The following DGKI variants were observed in gnomAD, a reference collection of about 807,000 sequenced individuals.
DGKI encodes diacylglycerol kinase iota.
Under a neutral mutation model 147.5 loss-of-function variants are expected in DGKI, and 55 were observed. The ratio of observed to expected loss-of-function variants is 0.37; its 90% CI spans 0.30 to 0.47. The LOEUF (loss-of-function observed/expected upper bound fraction) is 0.47. DGKI is among the 20% of genes least tolerant of loss of function. The probability of loss-of-function intolerance (pLI) is 1.00; values close to 1 mark genes in which losing one functional copy is unlikely to be tolerated. For synonymous variants in DGKI, 469 were observed against 477.1 expected, an observed-to-expected ratio of 0.98 and a Z score of 0.22; for missense variants, 1,007 against 1,323.8, an observed-to-expected ratio of 0.76 and a Z score of 3.71.
intron 1 of DGKI, among the ~76,000 whole-genome samples, chr7:137,767,466 A>AGAAGG (rs899651330): frequency 3.7e-5 from 5 of 135,538 alleles, no homozygotes; most frequent in African/African-American, 8.6e-5. Flanking sequence ...AAAAGAGAAG[A>AGAAGG]GAAGGGAAGA....
chr7:137,597,737 C>T (rs1819846065), intron 12 of DGKI, 110 bp downstream of exon 12: 2 of 960,566 alleles, frequency 2.1e-6, no homozygotes, highest in South Asian at 1.4e-5. Flanking sequence ...GAGAGATATA[C>T]ATGTGTTAGG....
At chr7:137,550,248 T>C (rs1184757) in intron 20 of DGKI, among the ~76,000 whole-genome samples, 151,107 of 151,314 alleles carry the variant, frequency 1, 75,450 homozygotes, top group Middle Eastern at 1. Context: ...TCCATGAAAC[T>C]TCTGCCTTGT....
At chr7:137,533,298 G>T (rs1254151389) in intron 20 of DGKI, among the ~76,000 whole-genome samples, 4 of 151,770 alleles carry the variant, frequency 2.6e-5, no homozygotes, top group African/African-American at 7.3e-5. Flanking sequence ...AGAAAAAAAT[G>T]AAAGTAAATA....
chr7:137,395,658 G>A lies in DGKI; in HGVS notation c.2997C>T (p.Asn999=), dbSNP rs780493326. ...CCACCAGAAGCTGGCACACAGCCCG[G>A]TTCCGCTGGCAGGCAGCCTTGTGCA... ...TALHKAACQR[N]RAVCQLLVDA... is the part of the protein sequence containing the mutation. The change falls in exon 32 of 33, where the codon AAC becomes AAT. Residue 999 remains asparagine, a synonymous_variant. Transcript: ENST00000614521. 3 of 1,614,174 alleles carry A rather than the reference G, an allele frequency of 1.9e-6. No homozygotes were observed. The South Asian group carries it at 3.3e-5, about 18-fold the overall frequency.
intron 1 of DGKI, among the ~76,000 whole-genome samples, chr7:137,818,999 T>C (rs549531484): frequency 6.6e-6 from 1 of 152,196 alleles, no homozygotes; most frequent in South Asian, 2.1e-4. Context: ...CCCTCCCAAC[T>C]GCACAGAAGT....
intron 21 of DGKI, among the ~76,000 whole-genome samples, chr7:137,491,943 A>G (rs150547189): frequency 2.0e-5 from 3 of 152,332 alleles, no homozygotes; most frequent in African/African-American, 7.2e-5. Context: ...CAGTCTAGAA[A>G]AGGGTAGAGA....
chr7:137,645,063 G>A (rs918349877), intron 6 of DGKI, among the ~76,000 whole-genome samples: 4 of 152,170 alleles, frequency 2.6e-5, no homozygotes, highest in African/African-American at 9.7e-5. Flanking sequence ...TCTAGCTTCT[G>A]ACCATGTTGT....
At chr7:137,805,603 C>T (rs1290430025) in intron 1 of DGKI, among the ~76,000 whole-genome samples, 1 of 152,202 alleles carries the variant, frequency 6.6e-6, no homozygotes, top group African/African-American at 2.4e-5. Context: ...AGTGCATAAG[C>T]ATGCAACCAG....
At chr7:137,616,387 G>C (rs1368723754) in intron 8 of DGKI, among the ~76,000 whole-genome samples, 1 of 152,120 alleles carries the variant, frequency 6.6e-6, no homozygotes, top group Non-Finnish European at 1.5e-5. Context: ...CTGAATCATA[G>C]ACGGTAATAA....
chr7:137,393,205 T>C (rs937117459), intron 32 of DGKI, among the ~76,000 whole-genome samples: 1 of 138,154 alleles, frequency 7.2e-6, no homozygotes, highest in African/African-American at 2.5e-5. Flanking sequence ...GGTTTATAAT[T>C]ATAAAAACAA....
intron 1 of DGKI, among the ~76,000 whole-genome samples, chr7:137,794,606 T>G (rs1476801920): frequency 6.6e-6 from 1 of 152,178 alleles, no homozygotes; most frequent in Non-Finnish European, 1.5e-5. Flanking sequence ...TCTGACAAGT[T>G]CTCAGGTGAT....
intron 6 of DGKI, among the ~76,000 whole-genome samples, chr7:137,638,640 A>ATG (rs1426702314): frequency 2.5e-5 from 1 of 40,292 alleles, no homozygotes; most frequent in East Asian, 1.1e-3. Flanking sequence ...GTGTGTATAT[A>ATG]TGTGTATGTA....
intron 2 of DGKI, among the ~76,000 whole-genome samples, chr7:137,682,053 G>A (rs1563148188): frequency 6.6e-6 from 1 of 152,186 alleles, no homozygotes; most frequent in South Asian, 2.1e-4. Context: ...ATGATTCTAC[G>A]TGGAAAGGAC....
At chr7:137,487,856 T>C (rs908276745) in intron 21 of DGKI, among the ~76,000 whole-genome samples, 167 bp from the exon 22 acceptor site, 3 of 152,154 alleles carry the variant, frequency 2.0e-5, no homozygotes, top group African/African-American at 7.2e-5. Flanking sequence ...TTTTATTATT[T>C]CAGTCTCTTC....
chr7:137,516,259 T>C (rs372767686), intron 21 of DGKI, among the ~76,000 whole-genome samples: 2 of 152,154 alleles, frequency 1.3e-5, no homozygotes, highest in African/African-American at 2.4e-5. Flanking sequence ...TAAGGAAATA[T>C]GCTGATGAAA....
chr7:137,492,264 A>T (rs1419939717), intron 21 of DGKI, among the ~76,000 whole-genome samples: 1 of 152,238 alleles, frequency 6.6e-6, no homozygotes, highest in Non-Finnish European at 1.5e-5. Flanking sequence ...GAAGCCAAAG[A>T]TCAAAATAAA....
chr7:137,513,354 T>C (rs1816642010), intron 21 of DGKI, among the ~76,000 whole-genome samples: 1 of 152,164 alleles, frequency 6.6e-6, no homozygotes, highest in African/African-American at 2.4e-5. Flanking sequence ...CATTTGGCCC[T>C]CTTCTGAATC....
intron 3 of DGKI, among the ~76,000 whole-genome samples, chr7:137,657,104 G>A: frequency 6.6e-6 from 1 of 152,194 alleles, no homozygotes. Flanking sequence ...AGTAAAGGAA[G>A]GCAAGTTCAG....
intron 1 of DGKI, among the ~76,000 whole-genome samples, chr7:137,798,777 C>A (rs1797109452): frequency 6.6e-6 from 1 of 152,060 alleles, no homozygotes; most frequent in African/African-American, 2.4e-5. Flanking sequence ...CCCAACCCAG[C>A]AACATATAAA....
Sources: gnomAD v4.1 joint callset for allele counts (sites outside exome capture counted in the v4.1 genomes callset) on GRCh38, gnomAD v4.1.1 for gene constraint, MANE v1.5 for transcripts, NCBI Gene and HGNC (gene_info 2026-07-23, HGNC 2026-07-21) for gene names.